Variants in KCNC2 observed in about 807,000 individuals in gnomAD.
KCNC2 encodes the protein potassium voltage-gated channel subfamily C member 2.
In KCNC2, 21 loss-of-function variants were observed where a neutral mutation model predicts 44.5. That is an observed-to-expected ratio of 0.47 (90% CI 0.33 to 0.68). The LOEUF is 0.68. KCNC2 is among the 30% of genes least tolerant of loss of function. The pLI is 0.01. For synonymous variants in KCNC2, 391 were observed against 339.1 expected, an observed-to-expected ratio of 1.15 and a Z score of -1.68; for missense variants, 589 against 826.2, an observed-to-expected ratio of 0.71 and a Z score of 3.52.
intron 2 of KCNC2, among the ~76,000 whole-genome samples, chr12:75,167,888 T>A (rs189656211): frequency 6.8e-4 from 103 of 151,550 alleles, no homozygotes; most frequent in African/African-American, 2.4e-3. Flanking sequence ...CTTTGATCTA[T>A]AATGCATTAA....
chr12:75,185,317 C>T (rs185022257), intron 2 of KCNC2, among the ~76,000 whole-genome samples: 97 of 152,212 alleles, frequency 6.4e-4, no homozygotes, highest in South Asian at 5.0e-3. Flanking sequence ...TGCTACAATG[C>T]TATGGTTTGA....
chr12:75,204,361 C>T (rs1220380694), intron 2 of KCNC2, among the ~76,000 whole-genome samples: 1 of 151,974 alleles, frequency 6.6e-6, no homozygotes, highest in Non-Finnish European at 1.5e-5. Context: ...TATTCAGTTC[C>T]TATCACCGTT....
intron 2 of KCNC2, among the ~76,000 whole-genome samples, chr12:75,111,559 T>C (rs2137238642): frequency 1.3e-5 from 2 of 152,156 alleles, no homozygotes; most frequent in South Asian, 4.1e-4. Flanking sequence ...TGATACCAAA[T>C]GTTTATTTTT....
At chr12:75,053,176 T>A (rs4882670) in intron 2 of KCNC2, among the ~76,000 whole-genome samples, 129,398 of 151,986 alleles carry the variant, frequency 0.85, 55,428 homozygotes, top group Admixed American at 0.9. Context: ...TAATCCCAAT[T>A]TTATCTGTAG....
At chr12:75,139,129 G>A (rs1374680077) in intron 2 of KCNC2, among the ~76,000 whole-genome samples, 1 of 151,972 alleles carries the variant, frequency 6.6e-6, no homozygotes, top group Non-Finnish European at 1.5e-5. Flanking sequence ...AGACCTCAGG[G>A]ACCTAATAAA....
At chr12:75,140,408 T>G (rs956836169) in intron 2 of KCNC2, among the ~76,000 whole-genome samples, 5 of 152,230 alleles carry the variant, frequency 3.3e-5, no homozygotes, top group Non-Finnish European at 7.3e-5. Context: ...ATGATAATTA[T>G]TTTGTAAATG....
At chr12:75,045,440 G>A (rs532175756) in intron 4 of KCNC2, among the ~76,000 whole-genome samples, 4 of 151,692 alleles carry the variant, frequency 2.6e-5, no homozygotes, top group Non-Finnish European at 5.9e-5. Flanking sequence ...TTCTAATTTA[G>A]TAACAAGTAT....
chr12:75,110,131 A>G (rs1208738155), intron 2 of KCNC2, among the ~76,000 whole-genome samples: 1 of 152,130 alleles, frequency 6.6e-6, no homozygotes, highest in Non-Finnish European at 1.5e-5. Context: ...CAAGCCAACA[A>G]TAGACAAAAC....
At chr12:75,204,987 G>A (rs1361547931) in intron 2 of KCNC2, among the ~76,000 whole-genome samples, 1 of 152,128 alleles carries the variant, frequency 6.6e-6, no homozygotes, top group Admixed American at 6.5e-5. Flanking sequence ...CTGTTGGGTG[G>A]TAAAGGGTAA....
At chr12:75,189,585 T>C (rs1316007838) in intron 2 of KCNC2, among the ~76,000 whole-genome samples, 1 of 152,188 alleles carries the variant, frequency 6.6e-6, no homozygotes, top group African/African-American at 2.4e-5. Context: ...CAGTAATTAA[T>C]TAAACTTGTG....
intron 2 of KCNC2, among the ~76,000 whole-genome samples, chr12:75,175,923 T>C (rs1413626468): frequency 1.3e-5 from 2 of 152,090 alleles, no homozygotes; most frequent in Admixed American, 1.3e-4. Flanking sequence ...AGCATAACAT[T>C]CAATATTTGG....
chr12:75,136,110 C>T (rs902183996), intron 2 of KCNC2, among the ~76,000 whole-genome samples: 3 of 151,850 alleles, frequency 2.0e-5, no homozygotes, highest in African/African-American at 7.3e-5. Context: ...TACAATAACA[C>T]CAAATTTAAA....
chr12:75,096,429 T>C (rs578013831), intron 2 of KCNC2, among the ~76,000 whole-genome samples: 71 of 152,174 alleles, frequency 4.7e-4, no homozygotes, highest in Admixed American at 9.2e-4. Flanking sequence ...AGGATTTTTA[T>C]AACATTTTTA....
chr12:75,186,830 T>G (rs1001050711), intron 2 of KCNC2, among the ~76,000 whole-genome samples: 4 of 152,204 alleles, frequency 2.6e-5, no homozygotes, highest in African/African-American at 9.6e-5. Context: ...TTGTCTTAAA[T>G]AATGGCCAAG....
chr12:75,141,759 A>G (rs758329706), intron 2 of KCNC2, among the ~76,000 whole-genome samples: 6 of 152,186 alleles, frequency 3.9e-5, no homozygotes, highest in Non-Finnish European at 7.3e-5. Flanking sequence ...TTGAGAGAAG[A>G]ACAATACTCT....
intron 2 of KCNC2, among the ~76,000 whole-genome samples, chr12:75,094,387 G>T (rs1885746319): frequency 6.6e-6 from 1 of 151,620 alleles, no homozygotes; most frequent in Non-Finnish European, 1.5e-5. Flanking sequence ...GTAACAGACT[G>T]ATATATGAAA....
chr12:75,097,692 A>G (rs1159109080), intron 2 of KCNC2, among the ~76,000 whole-genome samples: 2 of 152,144 alleles, frequency 1.3e-5, no homozygotes, highest in Admixed American at 1.3e-4. Context: ...AATGTATTAG[A>G]AGACATATAC....
chr12:75,155,478 C>T (rs539056775), intron 2 of KCNC2, among the ~76,000 whole-genome samples: 1 of 151,708 alleles, frequency 6.6e-6, no homozygotes, highest in South Asian at 2.1e-4. Flanking sequence ...GAAGTCAGTA[C>T]AAGCATGATT....
intron 2 of KCNC2, among the ~76,000 whole-genome samples, chr12:75,101,511 T>A (rs1050042092): frequency 1.2e-4 from 18 of 152,110 alleles, no homozygotes; most frequent in African/African-American, 3.9e-4. Context: ...ATTTAGTTGA[T>A]TCAGTGCAAG....
Sources: gnomAD v4.1 joint callset for allele counts (sites outside exome capture counted in the v4.1 genomes callset) on GRCh38, gnomAD v4.1.1 for gene constraint, MANE v1.5 for transcripts, NCBI Gene and HGNC (gene_info 2026-07-23, HGNC 2026-07-21) for gene names.